Variants in PHF8 observed in about 807,000 individuals in gnomAD.
PHF8 encodes PHD finger protein 8.
A neutral mutation model predicts 74.4 loss-of-function variants in PHF8; 9 were observed. The observed-to-expected ratio is 0.12, with a 90% CI of 0.07 to 0.21. The LOEUF (loss-of-function observed/expected upper bound fraction) is 0.21. PHF8 is among the 10% of genes least tolerant of loss of function. The probability of loss-of-function intolerance (pLI) is 1.00; values close to 1 mark genes in which losing one functional copy is unlikely to be tolerated. For missense variants in PHF8, 478 were observed against 816.6 expected (o/e 0.59, Z 5.05); for synonymous variants, 311 against 316.6 (o/e 0.98, Z 0.19).
chrX:54,031,624 C>A (rs1270695194), intron 2 of PHF8, among the ~76,000 whole-genome samples: 2 of 109,733 alleles, frequency 1.8e-5, no homozygotes, highest in Admixed American at 2.0e-4. Context: ...CTTTTGTGAT[C>A]CCCTCAGTCT....
chrX:53,967,543 G>A (rs868924849), intron 18 of PHF8, among the ~76,000 whole-genome samples: 2 of 111,316 alleles, frequency 1.8e-5, no homozygotes, highest in Admixed American at 9.4e-5. Flanking sequence ...GGTGAGGGGC[G>A]CCTCTGCCCG....
chrX:54,035,209 T>G (rs1414180136), intron 2 of PHF8, among the ~76,000 whole-genome samples: 4 of 105,636 alleles, frequency 3.8e-5, no homozygotes, highest in African/African-American at 7.0e-5. Flanking sequence ...ATACAAAAAT[T>G]AGCCGGCTAT....
intron 19 of PHF8, among the ~76,000 whole-genome samples, chrX:53,962,103 G>A (rs1603304854): frequency 9.0e-6 from 1 of 111,546 alleles, no homozygotes; most frequent in East Asian, 2.8e-4. Context: ...GAGAAGCCTT[G>A]GCCATCTTAG....
intron 19 of PHF8, among the ~76,000 whole-genome samples, chrX:53,946,863 T>C (rs1557085298): frequency 9.0e-6 from 1 of 111,642 alleles, no homozygotes; most frequent in Non-Finnish European, 1.9e-5. Flanking sequence ...CTGAAATACT[T>C]GGGGGAAACA....
intron 2 of PHF8, among the ~76,000 whole-genome samples, chrX:54,031,587 A>G (rs1195499254): frequency 3.7e-5 from 4 of 109,086 alleles, no homozygotes; most frequent in Admixed American, 9.9e-5. Flanking sequence ...CTATCTCCAA[A>G]AAAAAAAAAA....
At chrX:54,019,939 C>T (rs1429620817) in intron 4 of PHF8, among the ~76,000 whole-genome samples, 4 of 110,539 alleles carry the variant, frequency 3.6e-5, no homozygotes, top group African/African-American at 1.3e-4. Flanking sequence ...AATCCCAGGA[C>T]TTTGGGAGGC....
Position 53,992,805 on chromosome X carries a change from T to C in PHF8, c.1661A>G (p.Asp554Gly). The change falls in exon 14 of 22, where the codon GAT becomes GGT. Residue 554 changes from aspartate (D) to glycine (G), a missense_variant. This residue lies in a region of PHF8 where 153 missense variants were observed against 164.8 expected (regional missense o/e 0.93). Coordinates refer to ENST00000338154, the MANE Select transcript of PHF8 (RefSeq NM_015107.3). ...NITGACLNDS[D>G]DDSPDLDLDG... ...AAGGTCCAAGTCTGGTGAGTCGTCA[T>C]CTGAGTCATTCAAGCAGGCACCAGT... The C allele has an allele frequency of 8.3e-7, 1 of 1,202,912 alleles. No homozygotes were observed. Among genetic ancestry groups the C allele is most frequent in the East Asian group, 3.0e-5 (1 of 33,793 alleles).
intron 18 of PHF8, among the ~76,000 whole-genome samples, chrX:53,973,507 A>G (rs1187283804): frequency 9.0e-6 from 1 of 111,389 alleles, no homozygotes; most frequent in African/African-American, 3.3e-5. Flanking sequence ...CACACATCTA[A>G]TCTTCGACAA....
chrX:53,992,849 T>C lies in PHF8; in HGVS notation c.1627-10A>G, dbSNP rs2149838702. The C allele has an allele frequency of 9.0e-7, 1 of 1,110,921 alleles. No individual in the cohort carries two copies. Among genetic ancestry groups the C allele is most frequent in the Non-Finnish European group, 1.2e-6 (1 of 805,611 alleles). The allele number at this position is 1,110,921 out of a possible 1,213,427, so 91.6% of individuals were successfully genotyped here. ...CACCAGTGATGTTGAACTGTAGAAG[T>C]AGGAGACTCAGCCGTTACCTGTCTG... On this transcript the variant is annotated splice_polypyrimidine_tract_variant and intron_variant, in intron 13 of 21. Coordinates refer to ENST00000338154, the MANE Select transcript of PHF8 (RefSeq NM_015107.3).
intron 5 of PHF8, 104 bp downstream of exon 5, chrX:54,017,557 C>T: frequency 1.4e-6 from 1 of 709,998 alleles, no homozygotes; most frequent in East Asian, 3.3e-5. Context: ...CTGAGATTCC[C>T]AAGATGGTTA....
At chrX:54,040,428 T>C (rs939000983) in intron 2 of PHF8, among the ~76,000 whole-genome samples, 7 of 112,162 alleles carry the variant, frequency 6.2e-5, no homozygotes, top group Non-Finnish European at 1.1e-4. Context: ...ATCTCTGCCC[T>C]CAGGAAGCTC....
At chrX:54,032,712 C>A (rs1384565813) in intron 2 of PHF8, among the ~76,000 whole-genome samples, 1 of 109,845 alleles carries the variant, frequency 9.1e-6, no homozygotes, top group Non-Finnish European at 1.9e-5. Context: ...CCCCCTCCCC[C>A]ACCCCGGTGT....
At chrX:53,966,645 G>A (rs1200416586) in intron 18 of PHF8, among the ~76,000 whole-genome samples, 14 of 111,776 alleles carry the variant, frequency 1.3e-4, no homozygotes, top group Admixed American at 5.7e-4. Context: ...GCCACTGCCC[G>A]GCCGCCACTC....
chrX:54,020,744 T>A (rs2066156660), intron 4 of PHF8, among the ~76,000 whole-genome samples: 1 of 108,670 alleles, frequency 9.2e-6, no homozygotes, highest in Non-Finnish European at 1.9e-5. Flanking sequence ...TTATTCCAAT[T>A]AACACTTTGG....
intron 7 of PHF8, among the ~76,000 whole-genome samples, chrX:54,013,179 A>G (rs2066008800): frequency 9.0e-6 from 1 of 111,645 alleles, no homozygotes; most frequent in African/African-American, 3.3e-5. Context: ...GTGAAAACCA[A>G]AATCATTTAA....
chrX:54,001,913 C>T (rs782308730), intron 10 of PHF8, among the ~76,000 whole-genome samples: 1 of 111,034 alleles, frequency 9.0e-6, no homozygotes, highest in Non-Finnish European at 1.9e-5. Context: ...GAAATCCTAT[C>T]TCAAAAAAGA....
intron 2 of PHF8, chrX:54,039,956 T>G (rs1400841370): frequency 8.9e-6 from 1 of 112,391 alleles, no homozygotes; most frequent in Non-Finnish European, 1.9e-5. Flanking sequence ...AGTCAAAAGA[T>G]GGGAGTTAAT....
chrX:53,958,811 A>G (rs2065057931), intron 19 of PHF8, among the ~76,000 whole-genome samples: 1 of 104,687 alleles, frequency 9.6e-6, no homozygotes, highest in Non-Finnish European at 2.0e-5. Flanking sequence ...AGCTGATAAC[A>G]CTAGTTGACT....
At chrX:53,968,162 T>C (rs1461055928) in intron 18 of PHF8, among the ~76,000 whole-genome samples, 4 of 108,028 alleles carry the variant, frequency 3.7e-5, no homozygotes, top group Non-Finnish European at 5.8e-5. Context: ...ACATAAAACT[T>C]GGGGGACGCA....
Sources: gnomAD v4.1 joint callset for allele counts (sites outside exome capture counted in the v4.1 genomes callset) on GRCh38, gnomAD v4.1.1 for gene constraint, gnomAD v4.1.1 regional missense constraint, MANE v1.5 for transcripts, NCBI Gene and HGNC (gene_info 2026-07-23, HGNC 2026-07-21) for gene names.